SMG7: variants seen among roughly 807,000 people sequenced by gnomAD.
The protein encoded by SMG7 is SMG7 nonsense mediated mRNA decay factor.
Under a neutral mutation model 148.2 loss-of-function variants are expected in SMG7, and 34 were observed. The ratio of observed to expected loss-of-function variants is 0.23; its 90% confidence interval spans 0.17 to 0.31. SMG7 has a LOEUF of 0.31. Ranked by LOEUF, SMG7 falls within the 10% of genes least tolerant of loss-of-function variation. The probability of loss-of-function intolerance (pLI) is 1.00; values close to 1 mark genes in which losing one functional copy is unlikely to be tolerated. For synonymous variants in SMG7, 492 were observed against 515.1 expected (o/e 0.96, Z 0.61); for missense variants, 1,114 against 1,408.4 (o/e 0.79, Z 3.35).
chr1:183,493,876 G>C (rs190696425), intron 1 of SMG7, among the ~76,000 whole-genome samples: 3 of 152,110 alleles, frequency 2.0e-5, no homozygotes, highest in Admixed American at 6.5e-5. Flanking sequence ...CATAGCACCC[G>C]GCCACTTTAC....
At chr1:183,545,893 G>A (rs1669841871) in intron 16 of SMG7, 73 bp from the exon 17 acceptor site, 1 of 1,493,318 alleles carries the variant, frequency 6.7e-7, no homozygotes, top group African/African-American at 1.4e-5. Context: ...AGTTCATTCT[G>A]TGATTCTTTA....
At chr1:183,495,390 TA>T (rs1331802809) in intron 1 of SMG7, among the ~76,000 whole-genome samples, 1 of 152,154 alleles carries the variant, frequency 6.6e-6, no homozygotes, top group African/African-American at 2.4e-5. Flanking sequence ...TTCTCATTAA[TA>T]AAAAATTTCT....
intron 4 of SMG7, among the ~76,000 whole-genome samples, chr1:183,520,477 A>T (rs1223669681): frequency 6.6e-6 from 1 of 152,156 alleles, no homozygotes; most frequent in Non-Finnish European, 1.5e-5. Flanking sequence ...TTGAAGCATA[A>T]TTCAGTTTTA....
chr1:183,510,656 T>C (rs987249496), intron 1 of SMG7, among the ~76,000 whole-genome samples: 21 of 152,230 alleles, frequency 1.4e-4, no homozygotes, highest in African/African-American at 5.1e-4. Context: ...AATGAAAGGA[T>C]TTGCTTTACA....
rs1156447505 is a variant in SMG7 at position 183,553,359 on chromosome 1, G to A, written c.*1428G>A. 6.5e-5 allele frequency: 53 copies of A among 820,616 alleles called. 1 individual carries two copies. The East Asian group carries it at 1.4e-3, about 22-fold the overall frequency. The allele number at this position is 820,616 out of a possible 1,614,324, so 50.8% of individuals were successfully genotyped here. ...TTGTTCAATTGCTGTGCTAGTGGTA[G>A]GGTTTATTTTCTGGGAGGTCTCTCC... On this transcript the variant is annotated 3_prime_UTR_variant, in exon 23 of 23. Transcript: ENST00000688051.
intron 14 of SMG7, among the ~76,000 whole-genome samples, chr1:183,544,039 A>G (rs761419043): frequency 4.6e-5 from 7 of 152,212 alleles, no homozygotes; most frequent in Admixed American, 2.6e-4. Context: ...GTCATAGACA[A>G]GTTTTTTTCA....
At chr1:183,512,314 G>A (rs1298712238) in intron 1 of SMG7, among the ~76,000 whole-genome samples, 1 of 152,144 alleles carries the variant, frequency 6.6e-6, no homozygotes, top group Non-Finnish European at 1.5e-5. Flanking sequence ...TTTAACAAGA[G>A]AAAGTAAGAA....
At position 183,552,783 on chromosome 1, in the gene SMG7, A is replaced by C. The variant is rs147041536; in HGVS notation, c.*852A>C. ...CACAGCAAGCAGTCTCACAGAAGGC[A>C]GGCTAGTCCATTCACAGCCTGACAC... On this transcript the variant is annotated 3_prime_UTR_variant, in exon 23 of 23. Coordinates refer to ENST00000688051, the MANE Select transcript of SMG7 (RefSeq NM_001375584.1). 2.8e-3 allele frequency: 3,912 copies of C among 1,404,530 alleles called. 9 individuals are homozygous for C. Among genetic ancestry groups the C allele is most frequent in the Non-Finnish European group, 3.3e-3 (3,585 of 1,082,166 alleles). 87.0% of individuals were successfully genotyped at this position (1,404,530 alleles called of 1,614,324 possible).
In SMG7 at chr1:183,542,102, G is replaced by A. The variant is rs1316612680; in HGVS notation, c.1442G>A (p.Gly481Glu). Residue 481 changes from glycine (G) to glutamate (E), a missense_variant, in exon 14 of 23, where the codon GGG becomes GAG. By Grantham distance (98) the Gly-to-Glu change is moderately conservative (BLOSUM62 -2). Transcript: ENST00000688051. ...CTGATTCAGTGTGAAAATGAGGTAG[G>A]GAAATTGTTGTTTATCACAGAAATC... ...PRLIQCENEVGKLLFITEIPE... is the reference protein window; with the variant it reads ...PRLIQCENEVEKLLFITEIPE... 3 of 1,612,650 alleles carry A rather than the reference G, an allele frequency of 1.9e-6. No homozygotes were observed. The highest frequency in any genetic ancestry group is 2.5e-6 in the Non-Finnish European group (3 of 1,179,028).
chr1:183,526,936 G>A (rs1665985522), intron 5 of SMG7, among the ~76,000 whole-genome samples, 169 bp downstream of exon 5: 1 of 152,116 alleles, frequency 6.6e-6, no homozygotes, highest in African/African-American at 2.4e-5. Flanking sequence ...AATATTTTTG[G>A]GATTGGCAGA....
intron 1 of SMG7, among the ~76,000 whole-genome samples, chr1:183,487,655 A>G (rs543636131): frequency 2.6e-5 from 4 of 152,124 alleles, no homozygotes; most frequent in Non-Finnish European, 5.9e-5. Flanking sequence ...TGCTGGCCCT[A>G]TTGGAAATTG....
chr1:183,548,446 C>T (rs972451615), intron 18 of SMG7, among the ~76,000 whole-genome samples: 2 of 152,150 alleles, frequency 1.3e-5, no homozygotes, highest in East Asian at 3.9e-4. Context: ...CTTAGTGTCC[C>T]TTTCATTGGA....
chr1:183,484,360 ATT>A (rs35414239), intron 1 of SMG7, among the ~76,000 whole-genome samples: 5 of 144,946 alleles, frequency 3.4e-5, no homozygotes, highest in Non-Finnish European at 6.0e-5. Flanking sequence ...CTGAAAAAAA[ATT>A]TTTTTTTTTT....
chr1:183,526,763 C>CA lies in SMG7; in HGVS notation c.481dup (p.Ile161AsnfsTer16). 6.2e-7 allele frequency: 1 copy of CA among 1,607,334 alleles called. No homozygotes were observed. The highest frequency in any genetic ancestry group is 8.5e-7 in the Non-Finnish European group (1 of 1,177,066). On this transcript the variant is annotated frameshift_variant, in exon 5 of 23. Transcript: ENST00000688051. LOFTEE classifies it high-confidence loss of function. ...AGCACTGCCTCGTCCACCTTGGAGA[C>CA]ATTGGTGAGCCTTTGCTGTGAAGGA...
intron 4 of SMG7, among the ~76,000 whole-genome samples, chr1:183,524,653 T>C (rs1444500689): frequency 1.3e-5 from 2 of 152,138 alleles, no homozygotes. Context: ...AGAGTGGTGA[T>C]AGAATCAAAA....
chr1:183,545,851 G>T, intron 16 of SMG7, 115 bp from the exon 17 acceptor site: 1 of 1,247,564 alleles, frequency 8.0e-7, no homozygotes, highest in Non-Finnish European at 1.1e-6. Context: ...CTGCTGCCTT[G>T]CCTAGAGTTT....
intron 1 of SMG7, among the ~76,000 whole-genome samples, chr1:183,488,621 C>A (rs1375998495): frequency 6.6e-6 from 1 of 151,764 alleles, no homozygotes; most frequent in Admixed American, 6.6e-5. Flanking sequence ...AGTTTTATAC[C>A]CATGGTGTAG....
At chr1:183,539,926 A>G (rs1235424722) in intron 12 of SMG7, among the ~76,000 whole-genome samples, 2 of 152,222 alleles carry the variant, frequency 1.3e-5, no homozygotes, top group Non-Finnish European at 2.9e-5. Context: ...AAGTATGGAA[A>G]TAGTGATGTT....
At chr1:183,530,707 G>A (rs1019619005) in intron 8 of SMG7, among the ~76,000 whole-genome samples, 1 of 152,152 alleles carries the variant, frequency 6.6e-6, no homozygotes, top group Non-Finnish European at 1.5e-5. Context: ...GTGGGATGTT[G>A]TGGATTCTCC....
Sources: gnomAD v4.1 joint callset for allele counts (sites outside exome capture counted in the v4.1 genomes callset) on GRCh38, gnomAD v4.1.1 for gene constraint, MANE v1.5 for transcripts, NCBI Gene and HGNC (gene_info 2026-07-23, HGNC 2026-07-21) for gene names.